HERC2: variants seen among roughly 807,000 people sequenced by gnomAD.
The protein encoded by HERC2 is E3 ubiquitin-protein ligase HERC2.
Under a neutral mutation model 537.7 loss-of-function variants are expected in HERC2, and 102 were observed. The observed-to-expected ratio is 0.19, with a 90% CI of 0.16 to 0.22. The LOEUF is 0.22. Ranked by LOEUF, HERC2 falls within the 10% of genes least tolerant of loss-of-function variation. HERC2 has a pLI of 1.00. For synonymous variants in HERC2, 2,224 were observed against 2,466.2 expected (o/e 0.90, Z 2.91); for missense variants, 4,236 against 6,198.2 (o/e 0.68, Z 10.63).
chr15:28,218,777 A>G (rs764541325), intron 37 of HERC2, 106 bp from the exon 38 acceptor site: 45 of 1,044,974 alleles, frequency 4.3e-5, no homozygotes, highest in Non-Finnish European at 6.4e-5. Context: ...TTTATTGAAG[A>G]CTTGAATTTT....
chr15:28,140,046 C>T (rs1381134690), intron 78 of HERC2, among the ~76,000 whole-genome samples: 5 of 149,942 alleles, frequency 3.3e-5, no homozygotes, highest in Non-Finnish European at 5.9e-5. Flanking sequence ...CCAGCCTGGG[C>T]GACAGAGTGA....
At chr15:28,308,582 C>T (rs1331410779) in intron 2 of HERC2, among the ~76,000 whole-genome samples, 1 of 152,174 alleles carries the variant, frequency 6.6e-6, no homozygotes, top group Non-Finnish European at 1.5e-5. Flanking sequence ...ACTTCCAGTA[C>T]TATGTTGAAT....
chr15:28,191,949 A>G lies in HERC2; in HGVS notation c.8451+12T>C, dbSNP rs747003507. The G allele has an allele frequency of 1.2e-6, 2 of 1,610,968 alleles. No homozygotes were observed. The highest frequency in any genetic ancestry group is 1.7e-6 in the Non-Finnish European group (2 of 1,178,722). Reference sequence around the variant, plus strand: ...GTGAAAGTGCCCGCTGCTGTGCCCTATTAGATGCTACCTTTCCTTGCGACC... The same window carrying G: ...GTGAAAGTGCCCGCTGCTGTGCCCTGTTAGATGCTACCTTTCCTTGCGACC... On this transcript the variant is annotated intron_variant, in intron 53 of 92. Coordinates refer to ENST00000261609, the MANE Select transcript of HERC2 (RefSeq NM_004667.6).
rs770106072 is a variant in HERC2 at position 28,257,180 on chromosome 15, C to T, written c.2398G>A (p.Glu800Lys). The T allele has an allele frequency of 1.2e-6, 2 of 1,613,946 alleles. No individual in the cohort carries two copies. Among genetic ancestry groups the T allele is most frequent in the Non-Finnish European group, 1.7e-6 (2 of 1,179,866 alleles). ...FVVDICSMTF[E>K]QLDLLLRQVS... The stretch of plus-strand genomic sequence containing the variant: ...TGCCGAAGCAGGAGATCCAGCTGCT[C>T]AAAAGTCATTGAGCAGATGTCCACC... Residue 800 changes from glutamate (E) to lysine (K), a missense_variant, in exon 17 of 93, where the codon GAG becomes AAG. By Grantham distance (56) the Glu-to-Lys change is moderately conservative. Around this residue, in one of 27 missense-constraint regions of HERC2, gnomAD observed 754 missense variants for 1,085.0 expected, o/e 0.69. Transcript: ENST00000261609.
At chr15:28,262,834 G>A in intron 15 of HERC2, 84 bp downstream of exon 15, 2 of 1,390,448 alleles carry the variant, frequency 1.4e-6, no homozygotes, top group Non-Finnish European at 9.9e-7. Flanking sequence ...GGAATGTCAG[G>A]TTAAGAACAT....
chr15:28,248,390 A>C (rs1038845327), intron 21 of HERC2, among the ~76,000 whole-genome samples, 162 bp downstream of exon 21: 1 of 152,250 alleles, frequency 6.6e-6, no homozygotes, highest in African/African-American at 2.4e-5. Flanking sequence ...CTATTATAGA[A>C]AGGTCCAACT....
chr15:28,136,025 G>A (rs1890598115), intron 78 of HERC2, among the ~76,000 whole-genome samples: 1 of 151,630 alleles, frequency 6.6e-6, no homozygotes, highest in Admixed American at 6.6e-5. Flanking sequence ...TCTACTATAT[G>A]CAAAACTCTG....
intron 3 of HERC2, among the ~76,000 whole-genome samples, chr15:28,293,568 T>G (rs2076381020): frequency 6.6e-6 from 1 of 152,130 alleles, no homozygotes; most frequent in South Asian, 2.1e-4. Flanking sequence ...TTCCATCTAC[T>G]TCCTAGTACA....
rs184002112 is a variant in HERC2, at chr15:28,167,993, C to T, written c.10414-166G>A. On this transcript the variant is annotated intron_variant, in intron 67 of 92. Coordinates refer to ENST00000261609, the MANE Select transcript of HERC2 (RefSeq NM_004667.6). ...TGCCCACCAGACATAGCCACTACCA[C>T]CCCCAGTCAGGCCTAGGACAGTTTT... 2.4e-3 allele frequency among the ~76,000 whole-genome samples: 359 copies of T among 152,312 alleles called. 4 individuals carry two copies. The highest frequency in any genetic ancestry group is 8.4e-3 in the African/African-American group (348 of 41,564).
chr15:28,147,085 T>C (rs1218966864), intron 70 of HERC2, among the ~76,000 whole-genome samples: 4 of 145,124 alleles, frequency 2.8e-5, no homozygotes, highest in Non-Finnish European at 6.0e-5. Context: ...TAGTATGTGG[T>C]TGCTAGGATG....
intron 52 of HERC2, among the ~76,000 whole-genome samples, chr15:28,194,947 T>C (rs1191570974): frequency 6.6e-6 from 1 of 151,374 alleles, no homozygotes; most frequent in Non-Finnish European, 1.5e-5. Context: ...TCCCAGCTAC[T>C]CGGGAGGCTG....
At position 28,152,741 on chromosome 15, in the gene HERC2, C is replaced by T. The variant is rs886298926; in HGVS notation, c.10836G>A (p.Val3612=). Reference sequence around the variant, plus strand: ...TGTAAGGGTGGCTACTCTCCACCACCACAGGCTGAGAAGAGAGGCGGCCGC... The same window carrying T: ...TGTAAGGGTGGCTACTCTCCACCACTACAGGCTGAGAAGAGAGGCGGCCGC... ...SQSGRLSSQP[V]VVESSHPYTD... Residue 3612 remains valine (V), a synonymous_variant, in exon 70 of 93, where the codon GTG becomes GTA. Coordinates refer to ENST00000261609, the MANE Select transcript of HERC2 (RefSeq NM_004667.6). The T allele has an allele frequency of 3.0e-5, 46 of 1,552,226 alleles. No homozygotes were observed. The highest frequency in any genetic ancestry group is 4.0e-5 in the Non-Finnish European group (46 of 1,147,408).
chr15:28,136,742 C>T lies in HERC2; in HGVS notation c.12016-1050G>A, dbSNP rs533179515. On this transcript the variant is annotated intron_variant, in intron 78 of 92. Coordinates refer to ENST00000261609, the MANE Select transcript of HERC2 (RefSeq NM_004667.6). Reference sequence around the variant, plus strand: ...ATATGTCCAGGGCTGCTTTTGTAGTCGCAACAGAGACTATATGGCCCAAAG... The same window carrying T: ...ATATGTCCAGGGCTGCTTTTGTAGTTGCAACAGAGACTATATGGCCCAAAG... Among the ~76,000 whole-genome samples, 95 of 152,314 alleles carry T rather than the reference C, an allele frequency of 6.2e-4. 1 individual carries two copies. In the East Asian group the frequency reaches 8.3e-3, roughly 13 times the overall value.
chr15:28,284,045 A>T (rs2076090913), intron 4 of HERC2, among the ~76,000 whole-genome samples: 1 of 152,238 alleles, frequency 6.6e-6, no homozygotes, highest in East Asian at 1.9e-4. Flanking sequence ...AGGTAATTTT[A>T]TACAGCATGC....
chr15:28,150,459 A>G (rs2142326125), intron 70 of HERC2, among the ~76,000 whole-genome samples: 1 of 151,964 alleles, frequency 6.6e-6, no homozygotes, highest in African/African-American at 2.4e-5. Flanking sequence ...ACGAACGTAC[A>G]TTCTAGTGAA....
At chr15:28,235,643 T>C (rs1902353833) in intron 26 of HERC2, among the ~76,000 whole-genome samples, 1 of 152,200 alleles carries the variant, frequency 6.6e-6, no homozygotes, top group African/African-American at 2.4e-5. Flanking sequence ...CCTCATGCAA[T>C]TTCAGGACTG....
rs867406985 is a variant in HERC2, at chr15:28,221,964, G to A, written c.5652+64C>T. 70 of 1,058,982 alleles carry A rather than the reference G, an allele frequency of 6.6e-5. 1 individual carries two copies. The highest frequency in any genetic ancestry group is 2.7e-4 in the Middle Eastern group (1 of 3,638). The allele number at this position is 1,058,982 out of a possible 1,614,324, so 65.6% of individuals were successfully genotyped here. ...ATTCCAATTTCCACCCACCAATATC[G>A]TACAGAACTGTGCAGAAGATAACTA... On this transcript the variant is annotated intron_variant, in intron 36 of 92. Coordinates refer to ENST00000261609, the MANE Select transcript of HERC2 (RefSeq NM_004667.6).
chr15:28,272,950 G>A lies in HERC2; in HGVS notation c.855C>T (p.Asp285=). The A allele has an allele frequency of 2.5e-6, 4 of 1,612,406 alleles. No individual in the cohort carries two copies. The highest frequency in any genetic ancestry group is 3.4e-6 in the Non-Finnish European group (4 of 1,180,016). ...GCAGGATGGCCAGGGCCAAGTGCTGGTCCTGCAGGGGGATGCTTCCTGGCC... is the reference window on the plus strand; with the variant it reads ...GCAGGATGGCCAGGGCCAAGTGCTGATCCTGCAGGGGGATGCTTCCTGGCC... The part of the protein sequence containing the change: ...TKGPGSIPLQ[D]QHLALAILLE... The change falls in exon 8 of 93, where the codon GAC becomes GAT. Residue 285 remains aspartate (D), a synonymous_variant. Coordinates refer to ENST00000261609, the MANE Select transcript of HERC2 (RefSeq NM_004667.6).
At chr15:28,120,898 G>A (rs1888809699) in intron 86 of HERC2, among the ~76,000 whole-genome samples, 1 of 152,206 alleles carries the variant, frequency 6.6e-6, no homozygotes, top group South Asian at 2.1e-4. Flanking sequence ...CCCTGCAAGA[G>A]AGGAGCAGGC....
Sources: gnomAD v4.1 joint callset for allele counts (sites outside exome capture counted in the v4.1 genomes callset) on GRCh38, gnomAD v4.1.1 for gene constraint, gnomAD v4.1.1 regional missense constraint, MANE v1.5 for transcripts, NCBI Gene and HGNC (gene_info 2026-07-23, HGNC 2026-07-21) for gene names.